Variants in ARIH1 observed in about 807,000 individuals in gnomAD.
ARIH1 encodes the protein E3 ubiquitin-protein ligase ARIH1.
A neutral mutation model predicts 85.0 loss-of-function variants in ARIH1; 8 were observed. That is an observed-to-expected ratio of 0.09 (90% CI 0.06 to 0.17). The LOEUF is 0.17. Ranked by LOEUF, ARIH1 falls within the 10% of genes least tolerant of loss-of-function variation. ARIH1 has a pLI of 1.00. For synonymous variants in ARIH1, 238 were observed against 253.6 expected, an observed-to-expected ratio of 0.94 and a Z score of 0.59; for missense variants, 311 against 718.1, an observed-to-expected ratio of 0.43 and a Z score of 6.48.
At chr15:72,510,579 C>T (rs2063945768) in intron 1 of ARIH1, among the ~76,000 whole-genome samples, 1 of 151,192 alleles carries the variant, frequency 6.6e-6, no homozygotes, top group Non-Finnish European at 1.5e-5. Flanking sequence ...CCCATCTCTA[C>T]TAAAAAAATT....
At chr15:72,511,474 T>G (rs1453452249) in intron 1 of ARIH1, among the ~76,000 whole-genome samples, 3 of 152,078 alleles carry the variant, frequency 2.0e-5, no homozygotes, top group Admixed American at 1.3e-4. Context: ...CTGCTAATTT[T>G]TTGTATTTTT....
At chr15:72,535,243 G>T (rs995216549) in intron 2 of ARIH1, among the ~76,000 whole-genome samples, 22 of 152,048 alleles carry the variant, frequency 1.4e-4, no homozygotes, top group African/African-American at 5.3e-4. Context: ...GAGCCACCGC[G>T]CCCGGCCTTA....
At chr15:72,525,901 A>C (rs1430674004) in intron 2 of ARIH1, among the ~76,000 whole-genome samples, 2 of 151,972 alleles carry the variant, frequency 1.3e-5, no homozygotes, top group Non-Finnish European at 2.9e-5. Context: ...TCAGCCCCAC[A>C]AAGTGCTGGG....
At position 72,474,367 on chromosome 15, in the gene ARIH1, A is replaced by C; in HGVS notation, c.-273A>C. 1 of 450,270 alleles carries C rather than the reference A, an allele frequency of 2.2e-6. No homozygotes were observed. 27.9% of individuals were successfully genotyped at this position (450,270 alleles called of 1,614,324 possible). A position where few individuals can be genotyped will look rare whatever the true frequency, so the allele number is the denominator to read the frequency against. ...AGCGGCCGTGGAGGTGGCGTTGGGG[A>C]CTGTTTTCTCTCGGAGGCCGGAGCG... On this transcript the variant is annotated 5_prime_UTR_variant, in exon 1 of 14. Transcript: ENST00000379887.
At chr15:72,517,276 A>AT (rs951116388) in intron 1 of ARIH1, among the ~76,000 whole-genome samples, 7 of 151,996 alleles carry the variant, frequency 4.6e-5, no homozygotes, top group African/African-American at 1.5e-4. Flanking sequence ...GTATTAAATT[A>AT]TTTTTTTAAA....
chr15:72,509,207 C>T (rs938073791), intron 1 of ARIH1, among the ~76,000 whole-genome samples: 2 of 151,916 alleles, frequency 1.3e-5, no homozygotes, highest in African/African-American at 2.4e-5. Flanking sequence ...GTCAGCCTGG[C>T]CTTGAAGTCC....
chr15:72,537,433 C>T (rs2064087423), intron 2 of ARIH1, among the ~76,000 whole-genome samples: 1 of 152,036 alleles, frequency 6.6e-6, no homozygotes. Context: ...AAAAATAGTG[C>T]TCCAAACCCT....
chr15:72,543,855 T>A (rs2064118099), intron 2 of ARIH1, among the ~76,000 whole-genome samples: 1 of 152,112 alleles, frequency 6.6e-6, no homozygotes, highest in African/African-American at 2.4e-5. Context: ...AAGTTTTTTT[T>A]TTTTTAATAT....
intron 1 of ARIH1, among the ~76,000 whole-genome samples, chr15:72,491,652 A>G (rs1264395999): frequency 6.6e-6 from 1 of 152,158 alleles, no homozygotes; most frequent in Non-Finnish European, 1.5e-5. Flanking sequence ...CTCTTCTACC[A>G]AATTCACTGA....
chr15:72,525,235 C>T (rs1349623368), intron 2 of ARIH1, among the ~76,000 whole-genome samples: 12 of 152,056 alleles, frequency 7.9e-5, no homozygotes, highest in Admixed American at 5.2e-4. Context: ...AGATCATCAT[C>T]GGGGGAAAAT....
chr15:72,489,112 T>C (rs1286016092), intron 1 of ARIH1, among the ~76,000 whole-genome samples: 1 of 152,036 alleles, frequency 6.6e-6, no homozygotes, highest in Non-Finnish European at 1.5e-5. Flanking sequence ...CTTGGTGGCA[T>C]GTGCCTGTAG....
chr15:72,552,152 A>G (rs1179693571), intron 3 of ARIH1, among the ~76,000 whole-genome samples: 1 of 152,202 alleles, frequency 6.6e-6, no homozygotes, highest in Non-Finnish European at 1.5e-5. Context: ...ATGTATATAT[A>G]GTCAATGCAG....
rs2064330696 is a variant in ARIH1, at chr15:72,589,238, G to A, written c.*5946G>A. On this transcript the variant is annotated 3_prime_UTR_variant, in exon 14 of 14. Transcript: ENST00000379887. ...CTTACTCAAAAGTTACACATTGAGT[G>A]TATAACAGGGCCATGCTTGTCTGAT... 1 of 152,184 alleles carries A rather than the reference G, an allele frequency of 6.6e-6. No individual in the cohort carries two copies. Among genetic ancestry groups the A allele is most frequent in the South Asian group, 2.1e-4 (1 of 4,822 alleles). The allele number at this position is 152,184 out of a possible 1,614,324, so 9.4% of individuals were successfully genotyped here. A position where few individuals can be genotyped will look rare whatever the true frequency, so the allele number is the denominator to read the frequency against.
intron 2 of ARIH1, among the ~76,000 whole-genome samples, chr15:72,521,363 A>G (rs2063999281): frequency 6.6e-6 from 1 of 152,102 alleles, no homozygotes; most frequent in Admixed American, 6.6e-5. Flanking sequence ...ACTTACTGTA[A>G]TATTTCTGGA....
In ARIH1 at chr15:72,567,422, A is replaced by G. The variant is rs564457531; in HGVS notation, c.1026+245A>G. On this transcript the variant is annotated intron_variant, in intron 9 of 13. Transcript: ENST00000379887. Reference sequence around the variant, plus strand: ...CTGCCTTAGGTTTCTTCTACTGGAAAAAAAATTAGTGTTCTGTAGAGGAAA... The same window carrying G: ...CTGCCTTAGGTTTCTTCTACTGGAAGAAAAATTAGTGTTCTGTAGAGGAAA... 3.9e-5 allele frequency among the ~76,000 whole-genome samples: 6 copies of G among 152,324 alleles called. No homozygotes were observed. In the South Asian group the frequency reaches 1.0e-3, roughly 26 times the overall value.
chr15:72,596,580 T>C lies in ARIH1; in HGVS notation c.*13288T>C, dbSNP rs1221331238. 6.6e-6 allele frequency: 1 copy of C among 152,190 alleles called. No individual in the cohort carries two copies. The highest frequency in any genetic ancestry group is 1.5e-5 in the Non-Finnish European group (1 of 68,024). The allele number at this position is 152,190 out of a possible 1,614,324, so 9.4% of individuals were successfully genotyped here. A position where few individuals can be genotyped will look rare whatever the true frequency, so the allele number is the denominator to read the frequency against. On this transcript the variant is annotated 3_prime_UTR_variant, in exon 14 of 14. Transcript: ENST00000379887. ...CTCTTCTTTGGAGATTCTAGTTACA[T>C]GTATATTAGATGATTTGATATAAAC...
intron 1 of ARIH1, among the ~76,000 whole-genome samples, 184 bp from the exon 2 acceptor site, chr15:72,517,883 A>G (rs916726812): frequency 2.0e-5 from 3 of 152,170 alleles, no homozygotes; most frequent in Non-Finnish European, 4.4e-5. Context: ...GTAGTGTGGC[A>G]GACTATGTTT....
chr15:72,540,693 G>A (rs1157384019), intron 2 of ARIH1, among the ~76,000 whole-genome samples: 1 of 152,110 alleles, frequency 6.6e-6, no homozygotes, highest in Non-Finnish European at 1.5e-5. Context: ...ATGTAGTGGT[G>A]TGCACGTATA....
At position 72,512,612 on chromosome 15, in the gene ARIH1, GAA is replaced by G. The variant is rs145093828; in HGVS notation, c.376-5454_376-5453del. 4.5e-3 allele frequency among the ~76,000 whole-genome samples: 630 copies of G among 139,460 alleles called. 5 individuals are homozygous for G. The highest frequency in any genetic ancestry group is 0.016 in the African/African-American group (607 of 37,642). 91.5% of individuals were successfully genotyped at this position (139,460 alleles called of 152,430 possible). ...GGTTTTTCTTTTTCTTTTTTTTCCT[GAA>G]GTGTTTGAGATCTTTCTGATTTTCT... On this transcript the variant is annotated intron_variant, in intron 1 of 13. Coordinates refer to ENST00000379887, the MANE Select transcript of ARIH1 (RefSeq NM_005744.5).
Sources: gnomAD v4.1 joint callset for allele counts (sites outside exome capture counted in the v4.1 genomes callset) on GRCh38, gnomAD v4.1.1 for gene constraint, MANE v1.5 for transcripts, NCBI Gene and HGNC (gene_info 2026-07-23, HGNC 2026-07-21) for gene names.